Variants in XRN2 observed in about 807,000 individuals in gnomAD.
XRN2 encodes 5'-3' exoribonuclease 2, also known as DHM1-like protein.
XRN2 carries 44 observed loss-of-function variants against 138.5 expected under a neutral mutation model. That is an observed-to-expected ratio of 0.32 (90% confidence interval 0.25 to 0.41). The LOEUF (loss-of-function observed/expected upper bound fraction) is 0.41. Ranked by LOEUF, XRN2 falls within the 10% of genes least tolerant of loss-of-function variation. The pLI is 1.00. For missense variants in XRN2, 937 were observed against 1,169.3 expected, an observed-to-expected ratio of 0.80 and a Z score of 2.90; for synonymous variants, 354 against 369.4, an observed-to-expected ratio of 0.96 and a Z score of 0.48.
Position 21,323,080 on chromosome 20 carries a change from C to T in XRN2, c.76-3199C>T, listed in dbSNP as rs117071552. ...CCCATCTGGCTGTTGCTGTGACTGG[C>T]GCTGATGAATCATCCAGAAGCTGTC... On this transcript the variant is annotated intron_variant, in intron 1 of 29. Coordinates refer to ENST00000377191, the MANE Select transcript of XRN2 (RefSeq NM_012255.5). Among the ~76,000 whole-genome samples, 1,287 of 152,330 alleles carry T rather than the reference C, an allele frequency of 8.4e-3. 14 individuals are homozygous for T. Among genetic ancestry groups the T allele is most frequent in the Non-Finnish European group, 0.014 (948 of 68,026 alleles).
At chr20:21,313,847 C>T (rs977944142) in intron 1 of XRN2, among the ~76,000 whole-genome samples, 16 of 152,190 alleles carry the variant, frequency 1.1e-4, no homozygotes, top group African/African-American at 3.4e-4. Context: ...GGACATTTAT[C>T]CTTGACCCTA....
rs1394703653 is a variant in XRN2 at position 21,354,856 on chromosome 20, C to A, written c.2004C>A (p.Asp668Glu). The A allele has an allele frequency of 6.2e-7, 1 of 1,613,688 alleles. No individual in the cohort carries two copies. Among genetic ancestry groups the A allele is most frequent in the Admixed American group, 1.7e-5 (1 of 59,982 alleles). Residue 668 changes from aspartate to glutamate, a missense_variant, in exon 21 of 30, where the codon GAC (aspartate) becomes GAA (glutamate). Around this residue, in one of 6 missense-constraint regions of XRN2, gnomAD observed 372 missense variants for 414.4 expected, o/e 0.90. Coordinates refer to ENST00000377191, the MANE Select transcript of XRN2 (RefSeq NM_012255.5). ...CTGCCCTAGAAGAGGTATACCCAGA[C>A]CTCACTCCAGAAGAGAGTAAGAATT... Reference protein sequence around the residue: ...LRAALEEVYPDLTPEETRRNS... With the variant: ...LRAALEEVYPELTPEETRRNS...
chr20:21,357,603 T>G, intron 23 of XRN2, 133 bp from the exon 24 acceptor site: 1 of 599,668 alleles, frequency 1.7e-6, no homozygotes, highest in Non-Finnish European at 2.7e-6. Context: ...TATAAATGGT[T>G]TTTATTGTTT....
intron 1 of XRN2, among the ~76,000 whole-genome samples, chr20:21,309,734 C>T (rs1171495790): frequency 6.6e-6 from 1 of 151,890 alleles, no homozygotes; most frequent in African/African-American, 2.4e-5. Context: ...GTTTTCACTC[C>T]TGTTTTTACT....
At position 21,389,410 on chromosome 20, in the gene XRN2, T is replaced by G; in HGVS notation, c.*72T>G. ...TGCTATTTGTGGAAAGATTTCTTTC[T>G]CAAGTAGTAGTTTTTAATAAAACTA... On this transcript the variant is annotated 3_prime_UTR_variant, in exon 30 of 30. Coordinates refer to ENST00000377191, the MANE Select transcript of XRN2 (RefSeq NM_012255.5). 7.0e-7 allele frequency: 1 copy of G among 1,433,552 alleles called. No homozygotes were observed. Among genetic ancestry groups the G allele is most frequent in the Non-Finnish European group, 9.6e-7 (1 of 1,045,874 alleles). 88.8% of individuals were successfully genotyped at this position (1,433,552 alleles called of 1,614,324 possible). A position where few individuals can be genotyped will look rare whatever the true frequency, so the allele number is the denominator to read the frequency against.
rs371631665 is a variant in XRN2 at position 21,333,841 on chromosome 20, T to A, written c.1067+4T>A. On this transcript the variant is annotated splice_donor_region_variant and intron_variant, in intron 11 of 29. Coordinates refer to ENST00000377191, the MANE Select transcript of XRN2 (RefSeq NM_012255.5). The stretch of plus-strand genomic sequence containing the variant: ...ATTTGCCATCGTTAGAGATTAGGTA[T>A]GTGCATTTGTGTAGCTTTTCAAACG... 8.1e-6 allele frequency: 13 copies of A among 1,614,156 alleles called. No homozygotes were observed. Among genetic ancestry groups the A allele is most frequent in the Non-Finnish European group, 1.0e-5 (12 of 1,180,008 alleles).
chr20:21,350,922 A>T (rs1568585711), intron 20 of XRN2, among the ~76,000 whole-genome samples: 2 of 152,160 alleles, frequency 1.3e-5, no homozygotes, highest in African/African-American at 4.8e-5. Flanking sequence ...ATTACATGTT[A>T]AATGGATTGG....
chr20:21,353,808 A>AGGCTGAGGCAGGAGAATGGCGTG, intron 20 of XRN2, among the ~76,000 whole-genome samples: 2 of 151,502 alleles, frequency 1.3e-5, no homozygotes, highest in African/African-American at 4.9e-5. Context: ...AAAAAAAAAA[A>AGGCTGAGGCAGGAGAATGGCGTG]AACAACTGTT....
At chr20:21,350,274 C>T (rs2038489740) in intron 20 of XRN2, among the ~76,000 whole-genome samples, 1 of 152,166 alleles carries the variant, frequency 6.6e-6, no homozygotes, top group Admixed American at 6.5e-5. Flanking sequence ...CGCCTGTAAT[C>T]CCAGCAATTT....
intron 24 of XRN2, among the ~76,000 whole-genome samples, chr20:21,360,057 G>C (rs1268565244): frequency 2.0e-5 from 3 of 152,094 alleles, no homozygotes; most frequent in Non-Finnish European, 4.4e-5. Flanking sequence ...CAGACCCTTA[G>C]AGAATATAGT....
chr20:21,347,709 C>T (rs376843274), intron 17 of XRN2, among the ~76,000 whole-genome samples: 101 of 152,316 alleles, frequency 6.6e-4, no homozygotes, highest in African/African-American at 2.4e-3. Flanking sequence ...AAACTCATGG[C>T]TGTTTTACTT....
At chr20:21,346,370 T>A in intron 16 of XRN2, 45 bp from the exon 17 acceptor site, 1 of 1,606,968 alleles carries the variant, frequency 6.2e-7, no homozygotes, top group Non-Finnish European at 8.5e-7. Flanking sequence ...AGCCTGTTAC[T>A]GAAGGTGTGT....
At chr20:21,327,252 A>G (rs1027621202) in intron 3 of XRN2, among the ~76,000 whole-genome samples, 8 of 152,186 alleles carry the variant, frequency 5.3e-5, no homozygotes, top group Non-Finnish European at 1.2e-4. Context: ...AGTCATGAAA[A>G]TGATTTGAGA....
chr20:21,312,809 C>G (rs1213331746), intron 1 of XRN2, among the ~76,000 whole-genome samples: 1 of 151,984 alleles, frequency 6.6e-6, no homozygotes, highest in Non-Finnish European at 1.5e-5. Context: ...ACCACGTTGG[C>G]TAAGCTGGTC....
At chr20:21,388,299 CTG>C (rs966551400) in intron 29 of XRN2, among the ~76,000 whole-genome samples, 85 of 152,322 alleles carry the variant, frequency 5.6e-4, no homozygotes, top group African/African-American at 2.0e-3. Context: ...TAAAGGAACT[CTG>C]TGCTGTTACA....
chr20:21,326,433 A>G (rs376927991), intron 2 of XRN2, 27 bp downstream of exon 2: 17 of 1,613,682 alleles, frequency 1.1e-5, no homozygotes, highest in South Asian at 4.4e-5. Context: ...TGTCACTGAT[A>G]TAGCAAATCA....
At chr20:21,387,234 C>T (rs112734220) in intron 29 of XRN2, among the ~76,000 whole-genome samples, 83 of 152,274 alleles carry the variant, frequency 5.5e-4, no homozygotes, top group African/African-American at 1.9e-3. Flanking sequence ...CCCAAAAGCC[C>T]TTTAAATCAT....
Position 21,389,403 on chromosome 20 carries a change from T to G in XRN2, c.*65T>G, listed in dbSNP as rs1344641071. The G allele has an allele frequency of 1.3e-6, 2 of 1,487,438 alleles. No homozygotes were observed. The highest frequency in any genetic ancestry group is 2.8e-5 in the African/African-American group (2 of 70,558). The allele number at this position is 1,487,438 out of a possible 1,614,324, so 92.1% of individuals were successfully genotyped here. A position where few individuals can be genotyped will look rare whatever the true frequency, so the allele number is the denominator to read the frequency against. The stretch of plus-strand genomic sequence containing the variant: ...AGTTTTATGCTATTTGTGGAAAGAT[T>G]TCTTTCTCAAGTAGTAGTTTTTAAT... On this transcript the variant is annotated 3_prime_UTR_variant, in exon 30 of 30. Coordinates refer to ENST00000377191, the MANE Select transcript of XRN2 (RefSeq NM_012255.5).
chr20:21,387,500 A>G (rs1158774907), intron 29 of XRN2, among the ~76,000 whole-genome samples: 1 of 152,142 alleles, frequency 6.6e-6, no homozygotes, highest in African/African-American at 2.4e-5. Flanking sequence ...AATCTTCCAC[A>G]TATTTTTCTT....
Sources: allele counts gnomAD v4.1 joint callset (sites outside exome capture counted in the v4.1 genomes callset), GRCh38; gene constraint gnomAD v4.1.1; regional missense constraint gnomAD v4.1.1; transcripts MANE v1.5; gene names NCBI Gene and HGNC (gene_info 2026-07-23, HGNC 2026-07-21).